RERE: variants seen among roughly 807,000 people sequenced by gnomAD.
The protein encoded by RERE is arginine-glutamic acid dipeptide repeats protein.
A neutral mutation model predicts 146.1 loss-of-function variants in RERE; 40 were observed. The ratio of observed to expected loss-of-function variants is 0.27; its 90% CI spans 0.21 to 0.36. The LOEUF is 0.36. RERE is among the 10% of genes least tolerant of loss of function. The pLI is 1.00. For synonymous variants in RERE, 1,003 were observed against 866.0 expected, an observed-to-expected ratio of 1.16 and a Z score of -2.78; for missense variants, 1,933 against 2,138.7, an observed-to-expected ratio of 0.90 and a Z score of 1.90.
intron 12 of RERE, among the ~76,000 whole-genome samples, chr1:8,371,148 G>A (rs895065967): frequency 2.0e-5 from 3 of 152,190 alleles, no homozygotes; most frequent in East Asian, 1.9e-4. Flanking sequence ...CAGTGTTCCC[G>A]GCTGCAGCTC....
chr1:8,745,927 G>C (rs1640411080), intron 1 of RERE, among the ~76,000 whole-genome samples: 1 of 152,162 alleles, frequency 6.6e-6, no homozygotes, highest in South Asian at 2.1e-4. Flanking sequence ...AATTAGCCAA[G>C]CATGGCAGCA....
intron 1 of RERE, among the ~76,000 whole-genome samples, chr1:8,765,633 A>G (rs940058960): frequency 6.6e-6 from 1 of 152,158 alleles, no homozygotes; most frequent in Non-Finnish European, 1.5e-5. Context: ...AGCCAGGTCA[A>G]CCTGGTGAAA....
At chr1:8,654,636 T>G (rs1376946991) in intron 2 of RERE, among the ~76,000 whole-genome samples, 1 of 144,982 alleles carries the variant, frequency 6.9e-6, no homozygotes, top group African/African-American at 2.5e-5. Context: ...TTTTGTTTTT[T>G]TTTGTTTTTT....
Position 8,485,570 on chromosome 1 carries a change from C to A in RERE, c.1104+9493G>T, listed in dbSNP as rs546385962. Among the ~76,000 whole-genome samples, 5 of 151,956 alleles carry A rather than the reference C, an allele frequency of 3.3e-5. No individual in the cohort carries two copies. The East Asian group carries it at 5.8e-4, about 18-fold the overall frequency. On this transcript the variant is annotated intron_variant, in intron 10 of 22. Coordinates refer to ENST00000400908, the MANE Select transcript of RERE (RefSeq NM_001042681.2). ...GTTGTAAAGAGATGTACCATGCAGA[C>A]AACAAGCATAAGAAAACTAGAGTGG...
At chr1:8,603,271 A>G (rs1256330405) in intron 4 of RERE, among the ~76,000 whole-genome samples, 1 of 152,278 alleles carries the variant, frequency 6.6e-6, no homozygotes, top group Non-Finnish European at 1.5e-5. Flanking sequence ...AGATGGCCTC[A>G]ATGTGCCAAG....
At chr1:8,702,187 A>G (rs1482673121) in intron 1 of RERE, among the ~76,000 whole-genome samples, 3 of 152,234 alleles carry the variant, frequency 2.0e-5, no homozygotes, top group African/African-American at 7.2e-5. Context: ...ACAGAGGCAC[A>G]AAGGGAAAAT....
chr1:8,769,793 A>AT (rs1640911443), intron 1 of RERE, among the ~76,000 whole-genome samples: 1 of 150,466 alleles, frequency 6.6e-6, no homozygotes, highest in African/African-American at 2.4e-5. Context: ...ATTTTTTTTT[A>AT]TTTTTTATTT....
intron 4 of RERE, among the ~76,000 whole-genome samples, chr1:8,584,473 G>A (rs1356686869): frequency 6.6e-6 from 1 of 152,134 alleles, no homozygotes; most frequent in Non-Finnish European, 1.5e-5. Context: ...CATAAGCACA[G>A]GAATTTGAGG....
chr1:8,451,774 C>T (rs1644393902), intron 11 of RERE, among the ~76,000 whole-genome samples: 1 of 152,104 alleles, frequency 6.6e-6, no homozygotes, highest in Admixed American at 6.5e-5. Flanking sequence ...GGGTACAGGC[C>T]AGCATTGGGG....
chr1:8,426,125 A>C (rs1644008632), intron 11 of RERE, among the ~76,000 whole-genome samples: 1 of 152,166 alleles, frequency 6.6e-6, no homozygotes, highest in African/African-American at 2.4e-5. Context: ...TCTCGGGTCC[A>C]ATGTCAAATC....
At chr1:8,613,327 C>T (rs1041038464) in intron 4 of RERE, among the ~76,000 whole-genome samples, 3 of 152,180 alleles carry the variant, frequency 2.0e-5, no homozygotes, top group African/African-American at 7.2e-5. Context: ...CTCCCAAAAT[C>T]CACTAACCTG....
In RERE at chr1:8,352,928, AAAG is replaced by A. The variant is rs1302984591; in HGVS notation, c.*2156_*2158del. ...ACTCTTCTTTGGAAAAATGGATGCCAAAGGAGGAGATAAAGAAGGTTTAACTGA... is the reference window on the plus strand; with the variant it reads ...ACTCTTCTTTGGAAAAATGGATGCCAGAGGAGATAAAGAAGGTTTAACTGA... On this transcript the variant is annotated 3_prime_UTR_variant, in exon 23 of 23. Transcript: ENST00000400908. 1 of 152,624 alleles carries A rather than the reference AAAG, an allele frequency of 6.6e-6. No individual in the cohort carries two copies. The allele number at this position is 152,624 out of a possible 1,614,324, so 9.5% of individuals were successfully genotyped here. A position where few individuals can be genotyped will look rare whatever the true frequency, so the allele number is the denominator to read the frequency against.
intron 4 of RERE, among the ~76,000 whole-genome samples, chr1:8,611,251 C>T (rs1646789715): frequency 1.3e-5 from 2 of 151,798 alleles, no homozygotes; most frequent in South Asian, 4.1e-4. Context: ...CACCTGTAAT[C>T]CCAACACTTT....
chr1:8,712,931 G>T (rs1304524220), intron 1 of RERE, among the ~76,000 whole-genome samples: 1 of 152,198 alleles, frequency 6.6e-6, no homozygotes, highest in Non-Finnish European at 1.5e-5. Flanking sequence ...AAGGCGTCAT[G>T]GTTGCAGTTT....
intron 10 of RERE, among the ~76,000 whole-genome samples, chr1:8,468,352 T>C (rs1644631723): frequency 6.6e-6 from 1 of 152,226 alleles, no homozygotes; most frequent in African/African-American, 2.4e-5. Flanking sequence ...CTTTGCCTAA[T>C]ATCCAGAACA....
rs202240241 is a variant in RERE, at chr1:8,369,507, C to CT, written c.1285-3534dup. The stretch of plus-strand genomic sequence containing the variant: ...AATCGAATAAATCTTTCGCCTTTTA[C>CT]TAAAAAAAAAAAAAAAAAAAAAAAA... On this transcript the variant is annotated intron_variant, in intron 12 of 22. Coordinates refer to ENST00000400908, the MANE Select transcript of RERE (RefSeq NM_001042681.2). Among the ~76,000 whole-genome samples the CT allele has an allele frequency of 3.6e-3, 96 of 26,546 alleles. 2 individuals carry two copies. The highest frequency in any genetic ancestry group is 6.0e-3 in the African/African-American group (38 of 6,336). 17.4% of individuals were successfully genotyped at this position (26,546 alleles called of 152,430 possible).
intron 4 of RERE, among the ~76,000 whole-genome samples, chr1:8,599,953 G>T (rs1268492803): frequency 6.6e-6 from 1 of 152,158 alleles, no homozygotes; most frequent in African/African-American, 2.4e-5. Context: ...ATATTATATG[G>T]TTGGCTGTGT....
At chr1:8,761,521 G>A (rs1315520503) in intron 1 of RERE, among the ~76,000 whole-genome samples, 1 of 152,136 alleles carries the variant, frequency 6.6e-6, no homozygotes, top group Non-Finnish European at 1.5e-5. Context: ...TCCCCCACAT[G>A]TAAGACTATA....
chr1:8,621,398 A>ACTGGCGGTAG (rs1455721606), intron 3 of RERE, among the ~76,000 whole-genome samples: 5 of 152,196 alleles, frequency 3.3e-5, no homozygotes, highest in African/African-American at 9.7e-5. Flanking sequence ...AGCCTCGGTG[A>ACTGGCGGTAG]CTGGCGGTAG....
Sources: allele counts gnomAD v4.1 joint callset (sites outside exome capture counted in the v4.1 genomes callset), GRCh38; gene constraint gnomAD v4.1.1; transcripts MANE v1.5; gene names NCBI Gene and HGNC (gene_info 2026-07-23, HGNC 2026-07-21).